Variants in CDIN1 observed in about 807,000 individuals in gnomAD.
The protein encoded by CDIN1 is CDAN1 interacting nuclease 1.
In CDIN1, 33 loss-of-function variants were observed where a neutral mutation model predicts 45.3. The observed-to-expected ratio is 0.73, with a 90% CI of 0.55 to 0.97. The LOEUF (loss-of-function observed/expected upper bound fraction) is 0.97. CDIN1 is among the 50% of genes least tolerant of loss of function. The probability of loss-of-function intolerance (pLI) is 0.00; values close to 1 mark genes in which losing one functional copy is unlikely to be tolerated. For missense variants in CDIN1, 303 were observed against 339.4 expected, an observed-to-expected ratio of 0.89 and a Z score of 0.84; for synonymous variants, 118 against 124.4, an observed-to-expected ratio of 0.95 and a Z score of 0.34.
intron 10 of CDIN1, chr15:36,799,978 T>C (rs771090333): frequency 1.3e-5 from 2 of 152,136 alleles, no homozygotes; most frequent in Non-Finnish European, 2.9e-5. Flanking sequence ...CAAAGCAAAG[T>C]AGAAATTAAC....
At chr15:36,788,075 CATATATATATATATATAT>C (rs201682731) in intron 10 of CDIN1, among the ~76,000 whole-genome samples, 2 of 56,152 alleles carry the variant, frequency 3.6e-5, no homozygotes, top group African/African-American at 7.7e-5. Flanking sequence ...TAATTTTATA[CATATATATATATATATAT>C]ATATATATAT....
At chr15:36,723,926 A>T (rs1264266408) in intron 10 of CDIN1, among the ~76,000 whole-genome samples, 2 of 152,260 alleles carry the variant, frequency 1.3e-5, no homozygotes, top group Non-Finnish European at 2.9e-5. Context: ...GGAAACAAAG[A>T]TGTACATAGA....
At chr15:36,646,327 A>T (rs1038919028) in intron 3 of CDIN1, among the ~76,000 whole-genome samples, 42 of 152,118 alleles carry the variant, frequency 2.8e-4, no homozygotes, top group Non-Finnish European at 4.3e-4. Flanking sequence ...AGATTTTTTA[A>T]AAAAAATTAT....
intron 5 of CDIN1, among the ~76,000 whole-genome samples, chr15:36,676,503 A>T (rs2041655074): frequency 6.6e-6 from 1 of 152,168 alleles, no homozygotes; most frequent in African/African-American, 2.4e-5. Flanking sequence ...TCAACTTGCA[A>T]AGCAGAGACT....
chr15:36,691,322 C>A, intron 5 of CDIN1: 1 of 300,114 alleles, frequency 3.3e-6, no homozygotes, highest in South Asian at 3.2e-5. Context: ...TCTTCATATA[C>A]ATATGCTTGG....
intron 5 of CDIN1, among the ~76,000 whole-genome samples, chr15:36,667,944 T>C (rs960689287): frequency 6.6e-6 from 1 of 152,182 alleles, no homozygotes; most frequent in Non-Finnish European, 1.5e-5. Context: ...TGTGTTGGCC[T>C]CTTGGATTAT....
At position 36,739,227 on chromosome 15, in the gene CDIN1, A is replaced by T. The variant is rs945082612; in HGVS notation, c.716+29266A>T. 2.4e-4 allele frequency among the ~76,000 whole-genome samples: 37 copies of T among 152,206 alleles called. 1 individual carries two copies. The highest frequency in any genetic ancestry group is 1.2e-3 in the Admixed American group (18 of 15,278). On this transcript the variant is annotated intron_variant, in intron 10 of 10. Coordinates refer to ENST00000566621, the MANE Select transcript of CDIN1 (RefSeq NM_001321759.2). ...GGCAACATAGCAAGACCCTGTTTCA[A>T]CAACAACAAAAAACAAAAACAAATT...
intron 5 of CDIN1, among the ~76,000 whole-genome samples, chr15:36,662,875 G>A (rs2041075422): frequency 2.2e-5 from 2 of 90,426 alleles, no homozygotes; most frequent in Non-Finnish European, 4.8e-5. Flanking sequence ...TTTTTTTTTG[G>A]ATTTGAAATA....
Position 36,751,741 on chromosome 15 carries a change from T to A in CDIN1, c.716+41780T>A, listed in dbSNP as rs557688992. Among the ~76,000 whole-genome samples, 13 of 152,148 alleles carry A rather than the reference T, an allele frequency of 8.5e-5. No individual in the cohort carries two copies. The South Asian group carries it at 2.7e-3, about 32-fold the overall frequency. ...TATTCACAATAGCAAAGACGTGGAA[T>A]CAACCCAAATGCCCATCAATGATAC... On this transcript the variant is annotated intron_variant, in intron 10 of 10. Coordinates refer to ENST00000566621, the MANE Select transcript of CDIN1 (RefSeq NM_001321759.2).
chr15:36,682,203 T>A (rs1764750249), intron 5 of CDIN1, among the ~76,000 whole-genome samples: 1 of 151,824 alleles, frequency 6.6e-6, no homozygotes, highest in South Asian at 2.1e-4. Flanking sequence ...GCTAAAGCCC[T>A]GAGAATGAGA....
At chr15:36,612,123 G>A (rs2038677903) in intron 1 of CDIN1, among the ~76,000 whole-genome samples, 2 of 152,166 alleles carry the variant, frequency 1.3e-5, no homozygotes, top group Admixed American at 1.3e-4. Context: ...CAAGAACAGA[G>A]GCGTCCTTGT....
chr15:36,602,594 C>T (rs1283965493), intron 1 of CDIN1, among the ~76,000 whole-genome samples: 4 of 152,026 alleles, frequency 2.6e-5, no homozygotes, highest in African/African-American at 9.7e-5. Context: ...ACGTGGTGGC[C>T]ACCCTGTATT....
intron 9 of CDIN1, 127 bp from the exon 10 acceptor site, chr15:36,709,729 A>G (rs1381611528): frequency 3.1e-6 from 2 of 646,922 alleles, no homozygotes; most frequent in South Asian, 4.3e-5. Flanking sequence ...TTGTAATTAC[A>G]TTTATAGATG....
intron 10 of CDIN1, among the ~76,000 whole-genome samples, chr15:36,755,735 T>C (rs989147471): frequency 1.3e-5 from 2 of 152,128 alleles, no homozygotes; most frequent in African/African-American, 4.8e-5. Flanking sequence ...CAAGAGCAAT[T>C]TCCTACAACA....
rs117638434 is a variant in CDIN1 at position 36,697,377 on chromosome 15, C to A, written c.531C>A (p.Asn177Lys). The change falls in exon 8 of 11, where the codon AAC (asparagine) becomes AAA (lysine). Residue 177 changes from asparagine (N) to lysine (K), a missense_variant. Coordinates refer to ENST00000566621, the MANE Select transcript of CDIN1 (RefSeq NM_001321759.2). Reference protein sequence around the residue: ...VLLRDLLLEKNLSFLDEDQLR... With the variant: ...VLLRDLLLEKKLSFLDEDQLR... The stretch of plus-strand genomic sequence containing the variant: ...TGAGAGACTTGCTTCTAGAGAAAAA[C>A]CTGTCCTTCCTAGGTAAGTATTATT... The A allele has an allele frequency of 2.5e-6, 4 of 1,611,692 alleles. No individual in the cohort carries two copies. Among genetic ancestry groups the A allele is most frequent in the Admixed American group, 1.7e-5 (1 of 59,630 alleles).
chr15:36,735,506 A>G (rs1039326662), intron 10 of CDIN1, among the ~76,000 whole-genome samples: 2 of 152,050 alleles, frequency 1.3e-5, no homozygotes, highest in African/African-American at 4.8e-5. Context: ...AATCATTTTT[A>G]TTTGAGATTA....
At chr15:36,716,617 T>C (rs1367466440) in intron 10 of CDIN1, among the ~76,000 whole-genome samples, 2 of 152,176 alleles carry the variant, frequency 1.3e-5, no homozygotes, top group Non-Finnish European at 2.9e-5. Flanking sequence ...CCTATTTTAA[T>C]TGGTGTGCAG....
intron 5 of CDIN1, among the ~76,000 whole-genome samples, chr15:36,681,919 T>C (rs1281776960): frequency 6.6e-6 from 1 of 152,194 alleles, no homozygotes; most frequent in African/African-American, 2.4e-5. Context: ...ACAAGGATAT[T>C]GAATCCAAAA....
intron 10 of CDIN1, among the ~76,000 whole-genome samples, chr15:36,757,806 G>A (rs2053647820): frequency 6.7e-6 from 1 of 148,862 alleles, no homozygotes; most frequent in East Asian, 1.9e-4. Context: ...ATGCCACCAG[G>A]CCTGAGTCAT....
Sources: allele counts gnomAD v4.1 joint callset (sites outside exome capture counted in the v4.1 genomes callset), GRCh38; gene constraint gnomAD v4.1.1; transcripts MANE v1.5; gene names NCBI Gene and HGNC (gene_info 2026-07-23, HGNC 2026-07-21).